Variants in PTPRA observed in about 807,000 individuals in gnomAD.
The protein encoded by PTPRA is receptor-type tyrosine-protein phosphatase alpha.
PTPRA carries 25 observed loss-of-function variants against 104.8 expected under a neutral mutation model. The observed-to-expected ratio is 0.24, with a 90% CI of 0.17 to 0.33. PTPRA has a LOEUF of 0.33. Ranked by LOEUF, PTPRA falls within the 10% of genes least tolerant of loss-of-function variation. PTPRA has a pLI of 1.00. For synonymous variants in PTPRA, 323 were observed against 368.9 expected (o/e 0.88, Z 1.43); for missense variants, 765 against 1,015.3 (o/e 0.75, Z 3.35).
intron 1 of PTPRA, among the ~76,000 whole-genome samples, chr20:2,895,676 A>G (rs1297296993): frequency 1.3e-5 from 2 of 151,746 alleles, no homozygotes; most frequent in African/African-American, 4.8e-5. Context: ...ACCACCAAAC[A>G]CCTGGAATTA....
rs1464802738 is a variant in PTPRA, at chr20:3,022,367, G to A, written c.1328+147G>A. 3.7e-6 allele frequency: 4 copies of A among 1,091,216 alleles called. No individual in the cohort carries two copies. In the East Asian group the frequency reaches 7.4e-5, roughly 20 times the overall value. The allele number at this position is 1,091,216 out of a possible 1,614,324, so 67.6% of individuals were successfully genotyped here. On this transcript the variant is annotated intron_variant, in intron 15 of 23. Coordinates refer to ENST00000399903, the MANE Select transcript of PTPRA (RefSeq NM_001385305.1). The surrounding 1 kb of genome is among the most constrained non-coding windows in gnomAD (Gnocchi z 4.6). ...CCAGCGCAACAGCCAGAGACTCCAAGTTCTAGTGCAGGGTGGAGAATATGA... is the reference window on the plus strand; with the variant it reads ...CCAGCGCAACAGCCAGAGACTCCAAATTCTAGTGCAGGGTGGAGAATATGA...
rs141174807 is a variant in PTPRA, at chr20:2,876,291, A to G, written c.-129+2531A>G. On this transcript the variant is annotated intron_variant, in intron 1 of 23. Transcript: ENST00000399903. ...AAGTTCTAGCAATACAAAAGAGTAT[A>G]TAGAGAAAAATGTCCCTCCTACCCT... 1.3e-3 allele frequency among the ~76,000 whole-genome samples: 192 copies of G among 152,320 alleles called. 1 individual carries two copies. The highest frequency in any genetic ancestry group is 4.0e-3 in the African/African-American group (166 of 41,562).
rs149892305 is a variant in PTPRA at position 2,969,409 on chromosome 20, A to G, written c.415+4207A>G. Among the ~76,000 whole-genome samples the G allele has an allele frequency of 2.0e-3, 305 of 151,574 alleles. 1 individual carries two copies. Among genetic ancestry groups the G allele is most frequent in the South Asian group, 4.2e-3 (20 of 4,770 alleles). ...ATTACACATGCCCACCACCACACCCAGCTGTTTTTTGTATTTTTAGTAGAG... is the reference window on the plus strand; with the variant it reads ...ATTACACATGCCCACCACCACACCCGGCTGTTTTTTGTATTTTTAGTAGAG... On this transcript the variant is annotated intron_variant, in intron 5 of 23. Coordinates refer to ENST00000399903, the MANE Select transcript of PTPRA (RefSeq NM_001385305.1).
At chr20:2,952,622 C>G (rs2061391868) in intron 3 of PTPRA, among the ~76,000 whole-genome samples, 2 of 152,214 alleles carry the variant, frequency 1.3e-5, no homozygotes, top group Admixed American at 1.3e-4. Context: ...TGGTATTAAG[C>G]ATAGTCACAT....
intron 1 of PTPRA, among the ~76,000 whole-genome samples, chr20:2,881,161 G>A (rs931572500): frequency 4.0e-5 from 6 of 151,098 alleles, no homozygotes; most frequent in African/African-American, 7.4e-5. Flanking sequence ...ACAAGAATTC[G>A]CCGGGCGTGG....
chr20:3,026,262 G>A (rs889060149), intron 17 of PTPRA, among the ~76,000 whole-genome samples: 2 of 152,076 alleles, frequency 1.3e-5, no homozygotes, highest in African/African-American at 4.8e-5. Flanking sequence ...CTAATAAGGT[G>A]AAGCCAACGC....
At chr20:2,936,738 G>A (rs1265493321) in intron 2 of PTPRA, among the ~76,000 whole-genome samples, 3 of 152,180 alleles carry the variant, frequency 2.0e-5, no homozygotes, top group South Asian at 2.1e-4. Context: ...CTCCCAAAGT[G>A]CTGGGATTAC....
At chr20:2,925,116 A>T (rs180831798) in intron 2 of PTPRA, among the ~76,000 whole-genome samples, 22 of 152,318 alleles carry the variant, frequency 1.4e-4, no homozygotes, top group Middle Eastern at 3.4e-3. Context: ...TTGTGCAGCC[A>T]TCACCACTGT....
At chr20:2,932,869 T>C (rs1006503069) in intron 2 of PTPRA, among the ~76,000 whole-genome samples, 1 of 152,224 alleles carries the variant, frequency 6.6e-6, no homozygotes. Context: ...TTATTCACTC[T>C]TCTCTGATTC....
intron 5 of PTPRA, among the ~76,000 whole-genome samples, chr20:2,970,999 G>A (rs1265915048): frequency 6.6e-6 from 1 of 152,110 alleles, no homozygotes; most frequent in African/African-American, 2.4e-5. Context: ...CTCTTCATAT[G>A]TATTTGAGTA....
Position 3,007,231 on chromosome 20 carries a change from T to C in PTPRA, c.830-113T>C, listed in dbSNP as rs6076458. 4 of 994,108 alleles carry C rather than the reference T, an allele frequency of 4.0e-6. No individual in the cohort carries two copies. In the Admixed American group the frequency reaches 9.4e-5, roughly 23 times the overall value. The allele number at this position is 994,108 out of a possible 1,614,324, so 61.6% of individuals were successfully genotyped here. A position where few individuals can be genotyped will look rare whatever the true frequency, so the allele number is the denominator to read the frequency against. ...TTATATTGTTGGAGTGGCATCTTTA[T>C]ACAAGCGTGAGTCTGTGCACATAGG... On this transcript the variant is annotated intron_variant, in intron 10 of 23. Transcript: ENST00000399903.
chr20:2,869,675 C>G (rs1172566878), upstream of PTPRA, among the ~76,000 whole-genome samples: 1 of 152,182 alleles, frequency 6.6e-6, no homozygotes, highest in Non-Finnish European at 1.5e-5. Context: ...CAGGGAGAAT[C>G]AGGGCAAAGG....
intron 1 of PTPRA, among the ~76,000 whole-genome samples, chr20:2,897,608 G>T (rs566298284): frequency 9.2e-4 from 140 of 152,056 alleles, no homozygotes; most frequent in African/African-American, 3.1e-3. Flanking sequence ...GGCTGGTCTT[G>T]AACTCTTGAC....
At chr20:3,032,238 A>G (rs1289909475) in intron 20 of PTPRA, among the ~76,000 whole-genome samples, 2 of 152,092 alleles carry the variant, frequency 1.3e-5, no homozygotes, top group East Asian at 1.9e-4. Context: ...GCATCTCTCA[A>G]TCCACCTGTC....
At chr20:2,900,844 C>T (rs1424479095) in intron 1 of PTPRA, among the ~76,000 whole-genome samples, 8 of 140,318 alleles carry the variant, frequency 5.7e-5, no homozygotes, top group Non-Finnish European at 1.1e-4. Context: ...GCAACAAGAG[C>T]GAAACTCCAT....
At chr20:2,893,907 A>G (rs1048337215) in intron 1 of PTPRA, among the ~76,000 whole-genome samples, 2 of 152,060 alleles carry the variant, frequency 1.3e-5, no homozygotes, top group Admixed American at 6.6e-5. Context: ...TATAATTAAT[A>G]TTTATACCAG....
chr20:2,929,921 T>TGTCC (rs766254594), intron 2 of PTPRA, among the ~76,000 whole-genome samples: 3 of 152,104 alleles, frequency 2.0e-5, no homozygotes, highest in Non-Finnish European at 4.4e-5. Context: ...GAAAAGGAAA[T>TGTCC]TTGTACACGC....
intron 22 of PTPRA, among the ~76,000 whole-genome samples, chr20:3,036,745 G>A (rs1032760423): frequency 2.0e-5 from 3 of 152,266 alleles, no homozygotes; most frequent in African/African-American, 7.2e-5. Flanking sequence ...TGGGAAGAAA[G>A]TGAAAGACAT....
Position 3,007,361 on chromosome 20 carries a change from C to A in PTPRA, c.847C>A (p.His283Asn). 1 of 1,613,958 alleles carries A rather than the reference C, an allele frequency of 6.2e-7. No homozygotes were observed. Among genetic ancestry groups the A allele is most frequent in the Non-Finnish European group, 8.5e-7 (1 of 1,179,870 alleles). ...NILPYDHSRV[H>N]LTPVEGVPDS... The stretch of plus-strand genomic sequence containing the variant: ...TTTCCTAGATGACCACTCTAGAGTC[C>A]ACCTGACACCGGTTGAAGGGGTTCC... The change falls in exon 11 of 24, where the codon CAC becomes AAC. Residue 283 changes from histidine to asparagine, a missense_variant. Coordinates refer to ENST00000399903, the MANE Select transcript of PTPRA (RefSeq NM_001385305.1).
Sources: gnomAD v4.1 joint callset for allele counts (sites outside exome capture counted in the v4.1 genomes callset) on GRCh38, gnomAD v4.1.1 for gene constraint, Gnocchi (gnomAD v3.1) non-coding constraint, MANE v1.5 for transcripts, NCBI Gene and HGNC (gene_info 2026-07-23, HGNC 2026-07-21) for gene names.